CDH4: variants seen among roughly 807,000 people sequenced by gnomAD.
CDH4 encodes cadherin 4, also known as cadherin-4.
CDH4 carries 33 observed loss-of-function variants against 86.0 expected under a neutral mutation model. The observed-to-expected ratio is 0.38, with a 90% CI of 0.29 to 0.51. The LOEUF (loss-of-function observed/expected upper bound fraction) is 0.51. Ranked by LOEUF, CDH4 falls within the 20% of genes least tolerant of loss-of-function variation. The probability of loss-of-function intolerance (pLI) is 0.86; values close to 1 mark genes in which losing one functional copy is unlikely to be tolerated. For synonymous variants in CDH4, 555 were observed against 549.4 expected, an observed-to-expected ratio of 1.01 and a Z score of -0.14; for missense variants, 1,114 against 1,307.4, an observed-to-expected ratio of 0.85 and a Z score of 2.28.
chr20:61,521,777 C>T lies in CDH4; in HGVS notation c.170-221786C>T, dbSNP rs542718075. Among the ~76,000 whole-genome samples the T allele has an allele frequency of 9.8e-5, 15 of 152,310 alleles. No individual in the cohort carries two copies. In the South Asian group the frequency reaches 2.5e-3, roughly 25 times the overall value. The stretch of plus-strand genomic sequence containing the variant: ...CCTCTCAGGATCTCTGGTTCGTGAG[C>T]CCGGCCGTCTGTATCTCTCTGACCC... On this transcript the variant is annotated intron_variant, in intron 2 of 15. Coordinates refer to ENST00000614565, the MANE Select transcript of CDH4 (RefSeq NM_001794.5).
intron 3 of CDH4, among the ~76,000 whole-genome samples, chr20:61,758,194 G>T (rs1367453881): frequency 1.3e-5 from 2 of 152,158 alleles, no homozygotes; most frequent in Non-Finnish European, 2.9e-5. Context: ...TCATCCAGGG[G>T]TGCAGGATGT....
chr20:61,646,480 G>C (rs1206715061), intron 2 of CDH4, among the ~76,000 whole-genome samples: 1 of 152,192 alleles, frequency 6.6e-6, no homozygotes, highest in Non-Finnish European at 1.5e-5. Context: ...GCTCACCCTG[G>C]CTCTGCCATC....
intron 2 of CDH4, among the ~76,000 whole-genome samples, chr20:61,409,975 T>C (rs1228704202): frequency 1.3e-5 from 2 of 152,226 alleles, no homozygotes; most frequent in African/African-American, 2.4e-5. Flanking sequence ...AGAGGAGAAC[T>C]AGATAACTCA....
rs542341492 is a variant in CDH4 at position 61,303,600 on chromosome 20, T to TG, written c.169+48669dup. On this transcript the variant is annotated intron_variant, in intron 2 of 15. Transcript: ENST00000614565. ...GCCCCCAACTGGTCATCTTGTGATT[T>TG]GGGGGGTGTCTGCTCTCTCCGGTGC... Among the ~76,000 whole-genome samples the TG allele has an allele frequency of 1.6e-4, 24 of 152,348 alleles. No individual in the cohort carries two copies. The South Asian group carries it at 5.0e-3, about 32-fold the overall frequency.
intron 7 of CDH4, among the ~76,000 whole-genome samples, chr20:61,874,833 A>G (rs1983949428): frequency 6.6e-6 from 1 of 152,184 alleles, no homozygotes; most frequent in Non-Finnish European, 1.5e-5. Flanking sequence ...GAGCCGGTAG[A>G]GCCACCTCGC....
intron 6 of CDH4, among the ~76,000 whole-genome samples, chr20:61,853,825 G>T (rs534840565): frequency 1.3e-5 from 2 of 152,306 alleles, no homozygotes; most frequent in Admixed American, 1.3e-4. Context: ...CCTCCTGCAT[G>T]GGGGGTGGAG....
At chr20:61,753,367 T>C (rs953649355) in intron 3 of CDH4, among the ~76,000 whole-genome samples, 4 of 152,216 alleles carry the variant, frequency 2.6e-5, no homozygotes, top group Non-Finnish European at 5.9e-5. Flanking sequence ...AGATGAACCA[T>C]AAAAATTTGG....
At chr20:61,718,281 C>T (rs1331176276) in intron 2 of CDH4, 1 of 163,342 alleles carries the variant, frequency 6.1e-6, no homozygotes, top group Admixed American at 5.6e-5. Context: ...ACCTGCCCTT[C>T]TCGGCATCCC....
intron 4 of CDH4, among the ~76,000 whole-genome samples, chr20:61,841,699 G>GC (rs1555846676): frequency 1.7e-5 from 1 of 60,554 alleles, no homozygotes; most frequent in Non-Finnish European, 7.6e-5. Context: ...GGTGCATTGC[G>GC]GGGGGGAACA....
intron 2 of CDH4, among the ~76,000 whole-genome samples, chr20:61,605,405 C>G (rs1231597008): frequency 1.3e-5 from 2 of 151,932 alleles, no homozygotes; most frequent in Non-Finnish European, 1.5e-5. Flanking sequence ...CTGTCTCTAC[C>G]TCTCTTTGTC....
intron 2 of CDH4, among the ~76,000 whole-genome samples, chr20:61,541,615 C>T (rs961878089): frequency 3.3e-5 from 5 of 152,172 alleles, no homozygotes; most frequent in African/African-American, 1.2e-4. Flanking sequence ...CCGTGATCTC[C>T]TGCCTTCTCC....
chr20:61,516,921 C>T lies in CDH4; in HGVS notation c.170-226642C>T, dbSNP rs193114762. Among the ~76,000 whole-genome samples the T allele has an allele frequency of 4.3e-4, 65 of 152,290 alleles. No individual in the cohort carries two copies. The highest frequency in any genetic ancestry group is 3.3e-3 in the Admixed American group (50 of 15,306). On this transcript the variant is annotated intron_variant, in intron 2 of 15. Transcript: ENST00000614565. This position sits in a 1 kb window ranked among gnomAD's most constrained non-coding sequence, Gnocchi z 4.0. Reference sequence around the variant, plus strand: ...CCTGTCAACTTTTCAACTCCTCCAGCGAGTCCTGTGTTTGTAACATGGGGT... The same window carrying T: ...CCTGTCAACTTTTCAACTCCTCCAGTGAGTCCTGTGTTTGTAACATGGGGT...
intron 4 of CDH4, 45 bp downstream of exon 4, chr20:61,773,227 C>A: frequency 6.8e-7 from 1 of 1,470,144 alleles, no homozygotes; most frequent in South Asian, 1.4e-5. Flanking sequence ...TCGGCGTTAG[C>A]AGTAGGCTCT....
intron 3 of CDH4, among the ~76,000 whole-genome samples, chr20:61,752,516 G>A (rs1348530008): frequency 3.3e-5 from 5 of 152,210 alleles, no homozygotes; most frequent in East Asian, 1.9e-4. Context: ...CATATGCCTC[G>A]TTTTTGGTGT....
chr20:61,812,267 C>T (rs1270702257), intron 4 of CDH4, among the ~76,000 whole-genome samples: 1 of 152,166 alleles, frequency 6.6e-6, no homozygotes, highest in Non-Finnish European at 1.5e-5. Context: ...GAGACGGTCT[C>T]AGCCCCATCC....
At chr20:61,538,511 T>C (rs6061625) in intron 2 of CDH4, among the ~76,000 whole-genome samples, 50,503 of 151,952 alleles carry the variant, frequency 0.33, 14,010 homozygotes, top group African/African-American at 0.76. Context: ...TCCTACTCTG[T>C]GTACTTTCGC....
At chr20:61,653,512 G>A (rs1414410272) in intron 2 of CDH4, among the ~76,000 whole-genome samples, 2 of 144,192 alleles carry the variant, frequency 1.4e-5, no homozygotes, top group East Asian at 4.0e-4. Context: ...AGTAGGGGCG[G>A]CCGGGCAGAG....
At chr20:61,464,752 G>C (rs566426626) in intron 2 of CDH4, among the ~76,000 whole-genome samples, 18 of 152,264 alleles carry the variant, frequency 1.2e-4, no homozygotes, top group Non-Finnish European at 2.4e-4. Flanking sequence ...GCAGAGCCCA[G>C]GTCCCCTCCT....
chr20:61,573,959 G>A (rs1439578761), intron 2 of CDH4, among the ~76,000 whole-genome samples: 1 of 152,204 alleles, frequency 6.6e-6, no homozygotes, highest in Non-Finnish European at 1.5e-5. Flanking sequence ...GCTCTGGCTT[G>A]TAGCTGCTGC....
Sources: gnomAD v4.1 joint callset for allele counts (sites outside exome capture counted in the v4.1 genomes callset) on GRCh38, gnomAD v4.1.1 for gene constraint, Gnocchi (gnomAD v3.1) non-coding constraint, MANE v1.5 for transcripts, NCBI Gene and HGNC (gene_info 2026-07-23, HGNC 2026-07-21) for gene names.